Variants in FGF9 observed in about 807,000 individuals in gnomAD.
FGF9 encodes fibroblast growth factor 9.
Under a neutral mutation model 19.9 loss-of-function variants are expected in FGF9, and 3 were observed. The observed-to-expected ratio is 0.15, with a 90% CI of 0.07 to 0.39. FGF9 has a LOEUF of 0.39. FGF9 is among the 10% of genes least tolerant of loss of function. The pLI is 1.00. For synonymous variants in FGF9, 107 were observed against 106.9 expected, an observed-to-expected ratio of 1.00 and a Z score of -0.01; for missense variants, 175 against 256.8, an observed-to-expected ratio of 0.68 and a Z score of 2.18.
chr13:21,679,472 C>T (rs1871988421), intron 1 of FGF9, among the ~76,000 whole-genome samples: 1 of 152,096 alleles, frequency 6.6e-6, no homozygotes, highest in Non-Finnish European at 1.5e-5. Context: ...GACTATAGCA[C>T]ATTGTTACCC....
intron 2 of FGF9, among the ~76,000 whole-genome samples, chr13:21,688,163 C>T (rs1402454297): frequency 1.3e-5 from 2 of 152,210 alleles, no homozygotes; most frequent in African/African-American, 4.8e-5. Flanking sequence ...GTTCGTGGAA[C>T]AGGATACCAC....
In FGF9 at chr13:21,672,127, T is replaced by A; in HGVS notation, c.215T>A (p.Phe72Tyr). ...AGGCAGCTATACTGCAGGACTGGATTTCACTTAGAAATCTTCCCCAATGGT... is the reference window on the plus strand; with the variant it reads ...AGGCAGCTATACTGCAGGACTGGATATCACTTAGAAATCTTCCCCAATGGT... Reference protein sequence around the residue: ...RRRQLYCRTGFHLEIFPNGTI... With the variant: ...RRRQLYCRTGYHLEIFPNGTI... Residue 72 changes from phenylalanine to tyrosine, a missense_variant, in exon 1 of 3, where the codon TTT (phenylalanine) becomes TAT (tyrosine). Around this residue, in one of 3 missense-constraint regions of FGF9, gnomAD observed 5 missense variants for 22.5 expected, o/e 0.22. Transcript: ENST00000382353. The surrounding 1 kb of genome is among the most constrained non-coding windows in gnomAD (Gnocchi z 4.2). The A allele has an allele frequency of 6.2e-7, 1 of 1,614,220 alleles. No individual in the cohort carries two copies. The highest frequency in any genetic ancestry group is 8.5e-7 in the Non-Finnish European group (1 of 1,180,032).
chr13:21,687,060 C>A (rs953093684), intron 2 of FGF9, among the ~76,000 whole-genome samples: 13 of 152,192 alleles, frequency 8.5e-5, no homozygotes, highest in African/African-American at 3.1e-4. Context: ...TTTCCAAGGA[C>A]ACAACAGGGC....
Position 21,702,094 on chromosome 13 carries a change from T to C in FGF9, c.*659T>C, listed in dbSNP as rs1176190033. 2 of 151,920 alleles carry C rather than the reference T, an allele frequency of 1.3e-5. No homozygotes were observed. The highest frequency in any genetic ancestry group is 4.8e-5 in the African/African-American group (2 of 41,418). The allele number at this position is 151,920 out of a possible 1,614,324, so 9.4% of individuals were successfully genotyped here. Reference sequence around the variant, plus strand: ...ATATATTTATTTATTATATAGAGTTTATTTTTAATGAAACATGTACAGGCC... The same window carrying C: ...ATATATTTATTTATTATATAGAGTTCATTTTTAATGAAACATGTACAGGCC... On this transcript the variant is annotated 3_prime_UTR_variant, in exon 3 of 3. Coordinates refer to ENST00000382353, the MANE Select transcript of FGF9 (RefSeq NM_002010.3).
chr13:21,692,420 ACT>A (rs1872313722), intron 2 of FGF9, among the ~76,000 whole-genome samples: 1 of 150,906 alleles, frequency 6.6e-6, no homozygotes, highest in South Asian at 2.1e-4. Context: ...TTGATGGGAG[ACT>A]CTAGTCTATA....
chr13:21,701,555 C>A lies in FGF9; in HGVS notation c.*120C>A. ...GCTCCACTGTTGCCAAACTTTGTCGCATGCATAATGTATGATGGAGGCTTG... is the reference window on the plus strand; with the variant it reads ...GCTCCACTGTTGCCAAACTTTGTCGAATGCATAATGTATGATGGAGGCTTG... On this transcript the variant is annotated 3_prime_UTR_variant, in exon 3 of 3. Coordinates refer to ENST00000382353, the MANE Select transcript of FGF9 (RefSeq NM_002010.3). 7.3e-7 allele frequency: 1 copy of A among 1,370,168 alleles called. No homozygotes were observed. The highest frequency in any genetic ancestry group is 1.0e-6 in the Non-Finnish European group (1 of 964,026). The allele number at this position is 1,370,168 out of a possible 1,614,324, so 84.9% of individuals were successfully genotyped here.
At chr13:21,699,700 G>A (rs1872493973) in intron 2 of FGF9, among the ~76,000 whole-genome samples, 1 of 152,170 alleles carries the variant, frequency 6.6e-6, no homozygotes, top group Admixed American at 6.5e-5. Flanking sequence ...CTTGGAAAGA[G>A]AACTGTCTGT....
intron 1 of FGF9, among the ~76,000 whole-genome samples, chr13:21,676,762 C>G (rs1411626632): frequency 6.6e-6 from 1 of 152,212 alleles, no homozygotes; most frequent in African/African-American, 2.4e-5. Context: ...GTTGGGGGCT[C>G]TTAAGCCAGA....
intron 2 of FGF9, among the ~76,000 whole-genome samples, chr13:21,688,558 T>G (rs965913096): frequency 6.6e-6 from 1 of 152,228 alleles, no homozygotes; most frequent in African/African-American, 2.4e-5. Context: ...GTCACATAGA[T>G]GATGACAAGT....
chr13:21,694,676 G>A (rs569117308), intron 2 of FGF9, among the ~76,000 whole-genome samples: 27 of 152,048 alleles, frequency 1.8e-4, no homozygotes, highest in Non-Finnish European at 3.5e-4. Context: ...GGGGAAAAAT[G>A]TTATATGTGA....
chr13:21,671,204 C>A lies in FGF9; in HGVS notation c.-709C>A, dbSNP rs983446612. ...GCGAGCTCCCGGACGCGGCTCTCCTCGCTCGCCGCTCGCCACCCGTTCTAA... is the reference window on the plus strand; with the variant it reads ...GCGAGCTCCCGGACGCGGCTCTCCTAGCTCGCCGCTCGCCACCCGTTCTAA... On this transcript the variant is annotated 5_prime_UTR_variant, in exon 1 of 3. Transcript: ENST00000382353. Among the ~76,000 whole-genome samples, 1 of 152,240 alleles carries A rather than the reference C, an allele frequency of 6.6e-6. No homozygotes were observed. Among genetic ancestry groups the A allele is most frequent in the African/African-American group, 2.4e-5 (1 of 41,478 alleles).
intron 2 of FGF9, among the ~76,000 whole-genome samples, chr13:21,692,070 C>G (rs1282072397): frequency 6.7e-6 from 1 of 149,914 alleles, no homozygotes; most frequent in African/African-American, 2.5e-5. Flanking sequence ...ATGCAGTATT[C>G]TAAGAACAGA....
intron 2 of FGF9, among the ~76,000 whole-genome samples, chr13:21,695,390 T>G (rs934139650): frequency 6.6e-6 from 1 of 152,048 alleles, no homozygotes; most frequent in Non-Finnish European, 1.5e-5. Flanking sequence ...TGGCCAGGAA[T>G]GTGGATATAA....
chr13:21,678,763 T>A (rs928273516), intron 1 of FGF9, among the ~76,000 whole-genome samples: 1 of 152,242 alleles, frequency 6.6e-6, no homozygotes, highest in Non-Finnish European at 1.5e-5. Context: ...CCTTTCCTTA[T>A]TGACCTGGTA....
intron 2 of FGF9, among the ~76,000 whole-genome samples, chr13:21,699,482 C>T (rs1242347284): frequency 3.3e-5 from 5 of 152,160 alleles, no homozygotes; most frequent in African/African-American, 1.2e-4. Context: ...GCCCTCATGA[C>T]CTCTTGAGTG....
At chr13:21,698,504 A>C (rs1465502620) in intron 2 of FGF9, among the ~76,000 whole-genome samples, 1 of 152,218 alleles carries the variant, frequency 6.6e-6, no homozygotes, top group Non-Finnish European at 1.5e-5. Flanking sequence ...TGAGACTTGG[A>C]GAGGTGAGAG....
intron 2 of FGF9, among the ~76,000 whole-genome samples, chr13:21,681,732 G>A (rs1008193919): frequency 7.2e-5 from 11 of 152,202 alleles, no homozygotes; most frequent in African/African-American, 2.7e-4. Context: ...TATTTATTGT[G>A]CTCTGCCAGG....
chr13:21,685,646 G>T (rs1322811610), intron 2 of FGF9, among the ~76,000 whole-genome samples: 2 of 152,168 alleles, frequency 1.3e-5, no homozygotes, highest in African/African-American at 2.4e-5. Context: ...GACTCATCCA[G>T]CACTGTGATG....
Position 21,701,737 on chromosome 13 carries a change from GTGTA to G in FGF9, c.*306_*309del, listed in dbSNP as rs1192939503. 3.1e-4 allele frequency: 113 copies of G among 366,554 alleles called. No individual in the cohort carries two copies. Among genetic ancestry groups the G allele is most frequent in the African/African-American group, 1.8e-3 (87 of 48,064 alleles). The allele number at this position is 366,554 out of a possible 1,614,324, so 22.7% of individuals were successfully genotyped here. A position where few individuals can be genotyped will look rare whatever the true frequency, so the allele number is the denominator to read the frequency against. ...TGTGTGTGTGTGTGTGTGTGTGTGT[GTGTA>G]TGTGTGTAGCGGGAGATGTGGGCGG... On this transcript the variant is annotated 3_prime_UTR_variant, in exon 3 of 3. Coordinates refer to ENST00000382353, the MANE Select transcript of FGF9 (RefSeq NM_002010.3).
Sources: gnomAD v4.1 joint callset for allele counts (sites outside exome capture counted in the v4.1 genomes callset) on GRCh38, gnomAD v4.1.1 for gene constraint, gnomAD v4.1.1 regional missense constraint, Gnocchi (gnomAD v3.1) non-coding constraint, MANE v1.5 for transcripts, NCBI Gene and HGNC (gene_info 2026-07-23, HGNC 2026-07-21) for gene names.